The following LANCL2 variants were observed in gnomAD, a reference collection of about 807,000 sequenced individuals.
LANCL2 encodes lanC-like protein 2.
Under a neutral mutation model 56.9 loss-of-function variants are expected in LANCL2, and 33 were observed. The ratio of observed to expected loss-of-function variants is 0.58; its 90% confidence interval spans 0.44 to 0.78. The LOEUF (loss-of-function observed/expected upper bound fraction) is 0.78, where lower values mean the gene tolerates loss of function less well. LANCL2 is among the 30% of genes least tolerant of loss of function. The pLI is 0.00. For missense variants in LANCL2, 562 were observed against 580.2 expected (o/e 0.97, Z 0.32); for synonymous variants, 233 against 228.2 (o/e 1.02, Z -0.19).
intron 1 of LANCL2, among the ~76,000 whole-genome samples, chr7:55,378,214 C>G (rs1220823248): frequency 1.3e-5 from 2 of 152,182 alleles, no homozygotes; most frequent in Admixed American, 1.3e-4. Flanking sequence ...AATCCTAGCA[C>G]TTTAGGAGGC....
intron 1 of LANCL2, among the ~76,000 whole-genome samples, chr7:55,376,684 A>T (rs1181375013): frequency 6.6e-6 from 1 of 152,220 alleles, no homozygotes; most frequent in Non-Finnish European, 1.5e-5. Flanking sequence ...ATATCAGTCT[A>T]CATACATTTA....
At chr7:55,389,634 T>TGGGC (rs1364510849) in intron 1 of LANCL2, among the ~76,000 whole-genome samples, 308 of 152,336 alleles carry the variant, frequency 2.0e-3, no homozygotes, top group African/African-American at 7.0e-3. Context: ...CCTATTTACC[T>TGGGC]GACAACAAAT....
rs763547207 is a variant in LANCL2 at position 55,425,279 on chromosome 7, A to G, written c.1034A>G (p.Lys345Arg). 6.2e-7 allele frequency: 1 copy of G among 1,614,014 alleles called. No individual in the cohort carries two copies. Among genetic ancestry groups the G allele is most frequent in the African/African-American group, 1.3e-5 (1 of 74,930 alleles). ...GTCTTTAAGGAGGAGAAGTACTTGAAAGAGGCCATGGAGTGTAGCGATGTG... is the reference window on the plus strand; with the variant it reads ...GTCTTTAAGGAGGAGAAGTACTTGAGAGAGGCCATGGAGTGTAGCGATGTG... ...YKVFKEEKYL[K>R]EAMECSDVIW... The change falls in exon 7 of 9, where the codon AAA becomes AGA. Residue 345 changes from lysine to arginine, a missense_variant. Physicochemically the swap from Lys to Arg is conservative, Grantham distance 26. Around this residue, in one of 2 missense-constraint regions of LANCL2, gnomAD observed 378 missense variants for 468.4 expected, o/e 0.81. Transcript: ENST00000254770.
At chr7:55,422,861 C>T (rs1790623233) in intron 6 of LANCL2, among the ~76,000 whole-genome samples, 1 of 152,176 alleles carries the variant, frequency 6.6e-6, no homozygotes, top group African/African-American at 2.4e-5. Context: ...CTGCCTAAAA[C>T]CCTTGTCCCT....
intron 1 of LANCL2, among the ~76,000 whole-genome samples, chr7:55,388,744 G>A (rs748194341): frequency 2.0e-5 from 3 of 152,218 alleles, no homozygotes; most frequent in Non-Finnish European, 4.4e-5. Context: ...AAGGTGAGCT[G>A]TTTTCAACTG....
At chr7:55,396,237 G>T (rs1370724545) in intron 2 of LANCL2, among the ~76,000 whole-genome samples, 1 of 149,826 alleles carries the variant, frequency 6.7e-6, no homozygotes, top group Non-Finnish European at 1.5e-5. Context: ...TTACCTCTAG[G>T]AGCTCCACCA....
At chr7:55,391,761 A>C (rs1309324876) in intron 1 of LANCL2, 32 bp from the exon 2 acceptor site, 2 of 1,134,938 alleles carry the variant, frequency 1.8e-6, no homozygotes, top group African/African-American at 3.1e-5. Context: ...CATTCTTGTG[A>C]AGTTAAAGTT....
chr7:55,381,496 G>C (rs1372040658), intron 1 of LANCL2, among the ~76,000 whole-genome samples: 1 of 152,192 alleles, frequency 6.6e-6, no homozygotes, highest in Non-Finnish European at 1.5e-5. Context: ...ATTGAGAGGA[G>C]AGCTGCTGCC....
chr7:55,385,473 T>C (rs935013774), intron 1 of LANCL2, among the ~76,000 whole-genome samples: 5 of 152,132 alleles, frequency 3.3e-5, no homozygotes, highest in African/African-American at 7.2e-5. Flanking sequence ...AAAAGAAATT[T>C]TAAAGCTGGG....
At position 55,398,430 on chromosome 7, in the gene LANCL2, C is replaced by A. The variant is rs763798089; in HGVS notation, c.330C>A (p.Ala110=). 6.2e-7 allele frequency: 1 copy of A among 1,613,030 alleles called. No individual in the cohort carries two copies. The highest frequency in any genetic ancestry group is 1.7e-5 in the Admixed American group (1 of 60,008). ...GGTGGGAAATTATTCCAGGCATAGC[C>A]CTTTTGTACCTGCAGTTGTACCGGG... The part of the protein sequence containing the change: ...CSAYTGWTGI[A]LLYLQLYRVT... Residue 110 remains alanine (A), a synonymous_variant, in exon 3 of 9, where the codon GCC becomes GCA. Coordinates refer to ENST00000254770, the MANE Select transcript of LANCL2 (RefSeq NM_018697.4).
intron 5 of LANCL2, among the ~76,000 whole-genome samples, chr7:55,409,378 C>G (rs2691851): frequency 6.6e-6 from 1 of 152,098 alleles, no homozygotes; most frequent in African/African-American, 2.4e-5. Context: ...CGTGAGCCAC[C>G]GTGCCCGGCC....
At chr7:55,397,752 T>C (rs1278624820) in intron 2 of LANCL2, among the ~76,000 whole-genome samples, 2 of 151,058 alleles carry the variant, frequency 1.3e-5, no homozygotes, top group Admixed American at 6.6e-5. Context: ...AGGCCCTTCT[T>C]TGGAGATTCT....
At chr7:55,419,227 A>G (rs1180001595) in intron 6 of LANCL2, among the ~76,000 whole-genome samples, 2 of 152,002 alleles carry the variant, frequency 1.3e-5, no homozygotes. Flanking sequence ...ATTTTTTATT[A>G]TGAATTCAAT....
chr7:55,425,539 C>A lies in LANCL2; in HGVS notation c.1185+109C>A, dbSNP rs561221371. On this transcript the variant is annotated intron_variant, in intron 7 of 8. Coordinates refer to ENST00000254770, the MANE Select transcript of LANCL2 (RefSeq NM_018697.4). ...TTCTTTTAACCTGTTTCTCCCAGTTCTGTAGCTTCCTCTTTTTCTTCTGGC... is the reference window on the plus strand; with the variant it reads ...TTCTTTTAACCTGTTTCTCCCAGTTATGTAGCTTCCTCTTTTTCTTCTGGC... 993 of 982,568 alleles carry A rather than the reference C, an allele frequency of 1.0e-3. 2 individuals carry two copies. The highest frequency in any genetic ancestry group is 1.4e-3 in the Non-Finnish European group (891 of 655,138). The allele number at this position is 982,568 out of a possible 1,614,324, so 60.9% of individuals were successfully genotyped here. A position where few individuals can be genotyped will look rare whatever the true frequency, so the allele number is the denominator to read the frequency against.
At chr7:55,404,279 T>C (rs1790379342) in intron 5 of LANCL2, among the ~76,000 whole-genome samples, 1 of 152,126 alleles carries the variant, frequency 6.6e-6, no homozygotes, top group Non-Finnish European at 1.5e-5. Flanking sequence ...CCTCTACCTT[T>C]CTTCCTGCCC....
chr7:55,366,776 A>G (rs547641797), intron 1 of LANCL2, among the ~76,000 whole-genome samples: 4 of 152,362 alleles, frequency 2.6e-5, no homozygotes, highest in Admixed American at 2.6e-4. Context: ...AAACAGATTA[A>G]CAACAGAAAA....
chr7:55,423,020 C>T (rs776364877), intron 6 of LANCL2, among the ~76,000 whole-genome samples: 5 of 152,190 alleles, frequency 3.3e-5, no homozygotes, highest in African/African-American at 7.2e-5. Context: ...TCTTTTCACA[C>T]TTTCTGTCCT....
chr7:55,409,144 A>G (rs1487211751), intron 5 of LANCL2, among the ~76,000 whole-genome samples: 2 of 148,462 alleles, frequency 1.3e-5, no homozygotes, highest in Non-Finnish European at 3.0e-5. Flanking sequence ...GCTGGAGTGC[A>G]CTGGCGCGAA....
intron 5 of LANCL2, among the ~76,000 whole-genome samples, chr7:55,410,335 A>T (rs1034402379): frequency 6.6e-6 from 1 of 152,232 alleles, no homozygotes; most frequent in African/African-American, 2.4e-5. Flanking sequence ...TATATTCTCT[A>T]AGTGTGTATC....
Sources: allele counts gnomAD v4.1 joint callset (sites outside exome capture counted in the v4.1 genomes callset), GRCh38; gene constraint gnomAD v4.1.1; regional missense constraint gnomAD v4.1.1; transcripts MANE v1.5; gene names NCBI Gene and HGNC (gene_info 2026-07-23, HGNC 2026-07-21).